Variants in SOX5 observed in about 807,000 individuals in gnomAD.
The protein encoded by SOX5 is transcription factor SOX-5.
SOX5 carries 9 observed loss-of-function variants against 92.0 expected under a neutral mutation model. The ratio of observed to expected loss-of-function variants is 0.10; its 90% confidence interval spans 0.06 to 0.17. The LOEUF (loss-of-function observed/expected upper bound fraction) is 0.17, where lower values mean the gene tolerates loss of function less well. Among genes scored for constraint, SOX5 ranks in the 10% least tolerant of loss-of-function variants. SOX5 has a pLI of 1.00. For missense variants in SOX5, 642 were observed against 944.5 expected, an observed-to-expected ratio of 0.68 and a Z score of 4.20; for synonymous variants, 344 against 336.3, an observed-to-expected ratio of 1.02 and a Z score of -0.25.
At chr12:23,950,926 G>A, upstream of SOX5, 3 of 1,515,938 alleles carry the variant, frequency 2.0e-6, no homozygotes, top group Non-Finnish European at 2.7e-6. Context: ...TGGTCAGGGA[G>A]TAAGCACACA....
At chr12:23,868,031 T>A (rs2096834011) in intron 2 of SOX5, among the ~76,000 whole-genome samples, 1 of 151,746 alleles carries the variant, frequency 6.6e-6, no homozygotes, top group Non-Finnish European at 1.5e-5. Context: ...CTCCCTTTTT[T>A]CTTTTTTCCT....
intron 6 of SOX5, among the ~76,000 whole-genome samples, chr12:23,689,535 G>A (rs1021450220): frequency 6.6e-6 from 1 of 151,874 alleles, no homozygotes; most frequent in Non-Finnish European, 1.5e-5. Context: ...TTAATCTCTG[G>A]AGTTCTGATC....
intron 2 of SOX5, among the ~76,000 whole-genome samples, chr12:24,316,308 G>A (rs1949694087): frequency 6.6e-6 from 1 of 152,176 alleles, no homozygotes; most frequent in African/African-American, 2.4e-5. Flanking sequence ...ACCACCAAGG[G>A]ACCAAAGGAG....
At chr12:23,868,041 T>C (rs1595194977) in intron 2 of SOX5, among the ~76,000 whole-genome samples, 2 of 151,616 alleles carry the variant, frequency 1.3e-5, no homozygotes, top group Admixed American at 1.3e-4. Context: ...TCTTTTTTCC[T>C]TTCCTCTTTC....
At chr12:23,913,566 T>G (rs2097375542) in intron 1 of SOX5, among the ~76,000 whole-genome samples, 1 of 151,710 alleles carries the variant, frequency 6.6e-6, no homozygotes, top group Non-Finnish European at 1.5e-5. Flanking sequence ...TGAAACCCCG[T>G]CTCTACTAAA....
At chr12:24,102,235 A>C (rs917978372) in intron 4 of SOX5, among the ~76,000 whole-genome samples, 1 of 152,136 alleles carries the variant, frequency 6.6e-6, no homozygotes, top group African/African-American at 2.4e-5. Context: ...TTAACAGCTC[A>C]TTGACTAGAG....
chr12:23,549,614 A>G (rs1943798357), intron 11 of SOX5, among the ~76,000 whole-genome samples: 2 of 151,968 alleles, frequency 1.3e-5, no homozygotes, highest in Non-Finnish European at 2.9e-5. Flanking sequence ...ATGATGTCAG[A>G]ATAGAGGGCA....
chr12:24,326,327 G>T (rs550127499), intron 2 of SOX5, among the ~76,000 whole-genome samples: 1 of 152,142 alleles, frequency 6.6e-6, no homozygotes, highest in Non-Finnish European at 1.5e-5. Context: ...ATGCAATTTG[G>T]AGGAGGAACG....
intron 4 of SOX5, among the ~76,000 whole-genome samples, chr12:24,084,116 A>G (rs1312761469): frequency 6.6e-6 from 1 of 152,102 alleles, no homozygotes; most frequent in Admixed American, 6.6e-5. Flanking sequence ...AAGTAAGTCA[A>G]CATGATCTGA....
chr12:24,020,469 C>T (rs903663065), intron 4 of SOX5, among the ~76,000 whole-genome samples: 1 of 152,122 alleles, frequency 6.6e-6, no homozygotes, highest in African/African-American at 2.4e-5. Context: ...GAAGTAATCT[C>T]ATTCTGCCTG....
chr12:24,298,122 G>A (rs1210293586), intron 2 of SOX5, among the ~76,000 whole-genome samples: 2 of 152,228 alleles, frequency 1.3e-5, no homozygotes, highest in South Asian at 2.1e-4. Flanking sequence ...ACCCAGGCTG[G>A]AGTGCAGTGG....
intron 3 of SOX5, among the ~76,000 whole-genome samples, chr12:23,794,202 A>G (rs981131001): frequency 2.6e-5 from 4 of 152,096 alleles, no homozygotes; most frequent in African/African-American, 7.2e-5. Context: ...TGTGCTGTTT[A>G]CTGGTTTATT....
At chr12:24,389,801 A>T (rs1958805012) in intron 1 of SOX5, among the ~76,000 whole-genome samples, 1 of 152,150 alleles carries the variant, frequency 6.6e-6, no homozygotes, top group African/African-American at 2.4e-5. Flanking sequence ...GAGCTGCCTG[A>T]CTGTTTTCCA....
intron 4 of SOX5, among the ~76,000 whole-genome samples, chr12:24,121,448 C>G (rs1948602476): frequency 6.6e-6 from 1 of 151,608 alleles, no homozygotes; most frequent in African/African-American, 2.4e-5. Flanking sequence ...TGAAACCGAA[C>G]AGGAACAAAT....
chr12:23,556,197 C>G (rs539362566), intron 11 of SOX5, among the ~76,000 whole-genome samples: 3 of 152,042 alleles, frequency 2.0e-5, no homozygotes, highest in Non-Finnish European at 2.9e-5. Flanking sequence ...GAAAAGAAAA[C>G]CTAAGGATCA....
chr12:23,639,633 C>T (rs2079768844), intron 8 of SOX5, among the ~76,000 whole-genome samples: 1 of 152,150 alleles, frequency 6.6e-6, no homozygotes, highest in South Asian at 2.1e-4. Context: ...CAAGACATTT[C>T]CAGCTCAAAG....
At chr12:23,597,090 C>G (rs1952602101) in intron 9 of SOX5, among the ~76,000 whole-genome samples, 1 of 152,178 alleles carries the variant, frequency 6.6e-6, no homozygotes, top group South Asian at 2.1e-4. Flanking sequence ...CTTCCTGAGT[C>G]TGCACATGCT....
At chr12:23,993,234 G>A (rs1950724117) in intron 4 of SOX5, among the ~76,000 whole-genome samples, 1 of 152,100 alleles carries the variant, frequency 6.6e-6, no homozygotes, top group Admixed American at 6.6e-5. Flanking sequence ...GCTTTAATAA[G>A]CTGACTTCAC....
chr12:24,386,417 TAA>T (rs890546475), intron 1 of SOX5, among the ~76,000 whole-genome samples: 7 of 152,304 alleles, frequency 4.6e-5, no homozygotes, highest in African/African-American at 1.7e-4. Flanking sequence ...GTATTAAATA[TAA>T]GTGTAATTAA....
Sources: allele counts gnomAD v4.1 joint callset (sites outside exome capture counted in the v4.1 genomes callset), GRCh38; gene constraint gnomAD v4.1.1; transcripts MANE v1.5; gene names NCBI Gene and HGNC (gene_info 2026-07-23, HGNC 2026-07-21).